SDK1: variants seen among roughly 807,000 people sequenced by gnomAD.
The protein encoded by SDK1 is sidekick cell adhesion molecule 1.
In SDK1, 157 loss-of-function variants were observed where a neutral mutation model predicts 245.5. The observed-to-expected ratio is 0.64, with a 90% CI of 0.56 to 0.73. The LOEUF is 0.73. SDK1 is among the 30% of genes least tolerant of loss of function. The pLI is 0.00. For missense variants in SDK1, 3,583 were observed against 3,002.3 expected, an observed-to-expected ratio of 1.19 and a Z score of -4.52; for synonymous variants, 1,647 against 1,278.5, an observed-to-expected ratio of 1.29 and a Z score of -6.15.
chr7:3,600,378 A>G (rs1583213111), intron 1 of SDK1, among the ~76,000 whole-genome samples: 1 of 152,112 alleles, frequency 6.6e-6, no homozygotes, highest in African/African-American at 2.4e-5. Flanking sequence ...AAATAATAAC[A>G]ATTTTAGTTC....
chr7:4,232,423 T>C (rs1785851971), intron 40 of SDK1, among the ~76,000 whole-genome samples: 1 of 146,910 alleles, frequency 6.8e-6, no homozygotes, highest in Non-Finnish European at 1.5e-5. Flanking sequence ...TTTTTTTTTT[T>C]TTTTGTTATA....
In SDK1 at chr7:3,898,979, C is replaced by T. The variant is rs184597372; in HGVS notation, c.848-51944C>T. ...ATTCTAAGTTAATGGTTTCCCAATT[C>T]TATAGTAAGGTGAAACAGTCCATAT... On this transcript the variant is annotated intron_variant, in intron 5 of 44. Coordinates refer to ENST00000404826, the MANE Select transcript of SDK1 (RefSeq NM_152744.4). Among the ~76,000 whole-genome samples, 375 of 152,252 alleles carry T rather than the reference C, an allele frequency of 2.5e-3. 1 individual carries two copies. Among genetic ancestry groups the T allele is most frequent in the Middle Eastern group, 0.01 (3 of 294 alleles).
At chr7:3,963,392 C>T (rs1781853975) in intron 9 of SDK1, among the ~76,000 whole-genome samples, 1 of 77,672 alleles carries the variant, frequency 1.3e-5, no homozygotes, top group Admixed American at 1.2e-4. Flanking sequence ...TGGACGTATC[C>T]AGTGAGTACA....
Position 3,641,965 on chromosome 7 carries a change from A to G in SDK1, c.573A>G (p.Gly191=). ...RKSEVQVAYM[G]SFMDTDQRKT... is the part of the protein sequence containing the mutation. ...ACTTCTTTTTCTCTGCAGATATGGG[A>G]AGTTTCATGGATACGGACCAGAGGA... Residue 191 remains glycine (G), a synonymous_variant, in exon 4 of 45, where the codon GGA becomes GGG. Coordinates refer to ENST00000404826, the MANE Select transcript of SDK1 (RefSeq NM_152744.4). 1 of 1,612,414 alleles carries G rather than the reference A, an allele frequency of 6.2e-7. No individual in the cohort carries two copies. The highest frequency in any genetic ancestry group is 8.5e-7 in the Non-Finnish European group (1 of 1,179,462).
At chr7:3,612,981 C>A (rs1168034152) in intron 1 of SDK1, among the ~76,000 whole-genome samples, 2 of 151,514 alleles carry the variant, frequency 1.3e-5, no homozygotes, top group Non-Finnish European at 2.9e-5. Context: ...TATTCATTAT[C>A]TCTTTAAAAT....
At chr7:4,227,774 A>G (rs1400655244) in intron 40 of SDK1, among the ~76,000 whole-genome samples, 1 of 152,136 alleles carries the variant, frequency 6.6e-6, no homozygotes, top group African/African-American at 2.4e-5. Context: ...TTGAGTGCAG[A>G]CCCTTCGACG....
In SDK1 at chr7:3,891,796, G is replaced by A. The variant is rs566473072; in HGVS notation, c.848-59127G>A. Among the ~76,000 whole-genome samples, 7 of 152,282 alleles carry A rather than the reference G, an allele frequency of 4.6e-5. No individual in the cohort carries two copies. In the South Asian group the frequency reaches 1.5e-3, roughly 32 times the overall value. ...CTTTACCCGTAGGCTGTGCTTTCACGGCCAACCTTAATTTGGTGAGAAATT... is the reference window on the plus strand; with the variant it reads ...CTTTACCCGTAGGCTGTGCTTTCACAGCCAACCTTAATTTGGTGAGAAATT... On this transcript the variant is annotated intron_variant, in intron 5 of 44. Coordinates refer to ENST00000404826, the MANE Select transcript of SDK1 (RefSeq NM_152744.4).
intron 35 of SDK1, among the ~76,000 whole-genome samples, chr7:4,194,356 ATGCACGTATGTG>A (rs1783439807): frequency 7.9e-6 from 1 of 126,358 alleles, no homozygotes; most frequent in African/African-American, 3.4e-5. Flanking sequence ...AGATATATGT[ATGCACGTATGTG>A]TATACATGTA....
At chr7:3,627,381 A>G (rs975456057) in intron 2 of SDK1, among the ~76,000 whole-genome samples, 3 of 152,214 alleles carry the variant, frequency 2.0e-5, no homozygotes, top group Non-Finnish European at 4.4e-5. Flanking sequence ...ATCTGGGACA[A>G]TTCTGTGCAG....
At chr7:3,687,056 A>AAAACACAC (rs758259836) in intron 4 of SDK1, among the ~76,000 whole-genome samples, 1 of 135,162 alleles carries the variant, frequency 7.4e-6, no homozygotes, top group South Asian at 2.5e-4. Flanking sequence ...ATAGCATCAA[A>AAAACACAC]ACACACACAC....
intron 1 of SDK1, among the ~76,000 whole-genome samples, chr7:3,339,891 GAAAAATCAT>G (rs1424107036): frequency 6.6e-6 from 1 of 151,750 alleles, no homozygotes; most frequent in East Asian, 1.9e-4. Context: ...AGAGGAAAAA[GAAAAATCAT>G]AAAAATCATA....
intron 32 of SDK1, among the ~76,000 whole-genome samples, chr7:4,164,777 T>C (rs618761): frequency 0.3 from 44,946 of 152,054 alleles, 9,017 homozygotes; most frequent in African/African-American, 0.57. Context: ...GGGACGTGCC[T>C]AGTGCCACCT....
intron 2 of SDK1, among the ~76,000 whole-genome samples, chr7:3,628,467 A>C (rs1437301393): frequency 1.3e-5 from 2 of 152,276 alleles, no homozygotes; most frequent in Non-Finnish European, 2.9e-5. Context: ...TCCCTTCTGC[A>C]GAAGGCATGA....
chr7:3,680,185 T>G (rs1367766223), intron 4 of SDK1, among the ~76,000 whole-genome samples: 10 of 152,122 alleles, frequency 6.6e-5, no homozygotes, highest in Non-Finnish European at 2.9e-5. Context: ...AAACCCAATC[T>G]CCAATCTCAA....
At chr7:3,661,984 C>A (rs1303125089) in intron 4 of SDK1, among the ~76,000 whole-genome samples, 1 of 151,088 alleles carries the variant, frequency 6.6e-6, no homozygotes, top group African/African-American at 2.4e-5. Flanking sequence ...TCTGACAACT[C>A]TCATTATTAT....
intron 4 of SDK1, among the ~76,000 whole-genome samples, chr7:3,779,585 A>G (rs963214317): frequency 6.6e-6 from 1 of 152,150 alleles, no homozygotes; most frequent in African/African-American, 2.4e-5. Flanking sequence ...TTTCTCTAAT[A>G]CTATTTAAAA....
chr7:3,339,306 A>G (rs1780283827), intron 1 of SDK1, among the ~76,000 whole-genome samples: 1 of 152,216 alleles, frequency 6.6e-6, no homozygotes. Context: ...GAAAGGAGAA[A>G]TAAATTTAAC....
rs535512196 is a variant in SDK1, at chr7:4,061,276, A to G, written c.2912-6562A>G. On this transcript the variant is annotated intron_variant, in intron 19 of 44. Coordinates refer to ENST00000404826, the MANE Select transcript of SDK1 (RefSeq NM_152744.4). ...ATATTGATTCTTCCTACCCATGAGC[A>G]TGGAATGTTCTTCCATTTGTTTGTA... 7.8e-3 allele frequency among the ~76,000 whole-genome samples: 1,182 copies of G among 152,234 alleles called. 12 individuals are homozygous for G. Among genetic ancestry groups the G allele is most frequent in the African/African-American group, 0.027 (1,133 of 41,518 alleles).
intron 23 of SDK1, among the ~76,000 whole-genome samples, chr7:4,112,581 T>A (rs1783417562): frequency 6.6e-6 from 1 of 152,170 alleles, no homozygotes; most frequent in Non-Finnish European, 1.5e-5. Flanking sequence ...TACTTGCACT[T>A]TAACCCCTCG....
Sources: gnomAD v4.1 joint callset for allele counts (sites outside exome capture counted in the v4.1 genomes callset) on GRCh38, gnomAD v4.1.1 for gene constraint, MANE v1.5 for transcripts, NCBI Gene and HGNC (gene_info 2026-07-23, HGNC 2026-07-21) for gene names.